FSTL4: variants seen among roughly 807,000 people sequenced by gnomAD.
The protein encoded by FSTL4 is follistatin like 4.
Under a neutral mutation model 78.2 loss-of-function variants are expected in FSTL4, and 28 were observed. The observed-to-expected ratio is 0.36, with a 90% CI of 0.27 to 0.49. The LOEUF is 0.49. Ranked by LOEUF, FSTL4 falls within the 20% of genes least tolerant of loss-of-function variation. FSTL4 has a pLI of 0.98. For synonymous variants in FSTL4, 422 were observed against 440.5 expected, an observed-to-expected ratio of 0.96 and a Z score of 0.53; for missense variants, 922 against 1,084.9, an observed-to-expected ratio of 0.85 and a Z score of 2.11.
chr5:133,329,965 G>A (rs1754304549), intron 4 of FSTL4, among the ~76,000 whole-genome samples: 1 of 152,200 alleles, frequency 6.6e-6, no homozygotes, highest in Non-Finnish European at 1.5e-5. Context: ...CACCTCTGCT[G>A]TCAATTGTAG....
chr5:133,363,729 C>G (rs920007845), intron 4 of FSTL4, among the ~76,000 whole-genome samples: 2 of 152,106 alleles, frequency 1.3e-5, no homozygotes, highest in Non-Finnish European at 2.9e-5. Context: ...GCTGGCAGGC[C>G]GTGGACCACA....
the FSTL4 span, among the ~76,000 whole-genome samples, chr5:133,707,484 T>G: frequency 6.6e-6 from 1 of 152,158 alleles, no homozygotes; most frequent in Non-Finnish European, 1.5e-5. Flanking sequence ...GGAAAACGAA[T>G]GATGCACATG....
the FSTL4 span, among the ~76,000 whole-genome samples, chr5:133,765,650 G>A: frequency 6.6e-6 from 1 of 152,190 alleles, no homozygotes; most frequent in Non-Finnish European, 1.5e-5. Flanking sequence ...CAGGAAGGGA[G>A]GAGAGGTGGG....
chr5:133,493,060 G>GT (rs1758301584), intron 3 of FSTL4, among the ~76,000 whole-genome samples: 1 of 151,838 alleles, frequency 6.6e-6, no homozygotes, highest in Non-Finnish European at 1.5e-5. Context: ...AAATTTGCTT[G>GT]TTTTTCCCCT....
In FSTL4 at chr5:133,220,838, G is replaced by T; in HGVS notation, c.1368C>A (p.Val456=). 6.2e-7 allele frequency: 1 copy of T among 1,611,916 alleles called. No individual in the cohort carries two copies. The highest frequency in any genetic ancestry group is 8.5e-7 in the Non-Finnish European group (1 of 1,177,966). ...TGACGATGATACCGTCGTCGGAGAA[G>T]ACATAGAACATGTTTCCCACGCTGA... is the stretch of plus-strand genomic sequence containing the variant. ...EGLSVGNMFY[V]FSDDGIIVIH... is the part of the protein sequence containing the mutation. The change falls in exon 12 of 16, where the codon GTC becomes GTA. Residue 456 remains valine (V), a synonymous_variant. Transcript: ENST00000265342.
intron 4 of FSTL4, among the ~76,000 whole-genome samples, chr5:133,370,917 G>A (rs1031796530): frequency 6.6e-6 from 1 of 152,216 alleles, no homozygotes; most frequent in African/African-American, 2.4e-5. Flanking sequence ...GGGGTGCTGA[G>A]TCAACCCAGG....
At chr5:133,485,488 T>C (rs1406845452) in intron 3 of FSTL4, among the ~76,000 whole-genome samples, 1 of 152,248 alleles carries the variant, frequency 6.6e-6, no homozygotes, top group Non-Finnish European at 1.5e-5. Flanking sequence ...TTTCAGTACA[T>C]GCAGCAACTC....
chr5:133,737,576 A>G, the FSTL4 span, among the ~76,000 whole-genome samples: 1 of 150,266 alleles, frequency 6.7e-6, no homozygotes, highest in African/African-American at 2.5e-5. Flanking sequence ...ATAGGAGTGC[A>G]CACATCTCTT....
intron 4 of FSTL4, among the ~76,000 whole-genome samples, chr5:133,331,141 G>T (rs577361587): frequency 1.3e-5 from 2 of 152,200 alleles, no homozygotes; most frequent in African/African-American, 2.4e-5. Flanking sequence ...AAGCAGCCCC[G>T]CATAGGTCCC....
intron 4 of FSTL4, among the ~76,000 whole-genome samples, chr5:133,341,054 G>A (rs1754569041): frequency 6.6e-6 from 1 of 152,076 alleles, no homozygotes; most frequent in Non-Finnish European, 1.5e-5. Context: ...CCACAGCAGG[G>A]GCCGCCAGCC....
chr5:133,328,323 G>A (rs1754264624), intron 4 of FSTL4, among the ~76,000 whole-genome samples: 1 of 152,120 alleles, frequency 6.6e-6, no homozygotes, highest in Admixed American at 6.5e-5. Context: ...TTAGATAAAT[G>A]GTACATTTGC....
the FSTL4 span, among the ~76,000 whole-genome samples, chr5:133,787,883 T>C: frequency 2.6e-5 from 4 of 152,270 alleles, no homozygotes; most frequent in Non-Finnish European, 5.9e-5. Flanking sequence ...CCTGCTGGCC[T>C]GCCCTTAGAC....
chr5:133,439,795 G>C (rs1049908507), intron 3 of FSTL4, among the ~76,000 whole-genome samples: 1 of 152,220 alleles, frequency 6.6e-6, no homozygotes, highest in African/African-American at 2.4e-5. Context: ...CACTGGGAAG[G>C]CTTTGCCGAA....
chr5:133,365,086 ATCAG>A (rs1330701301), intron 4 of FSTL4, among the ~76,000 whole-genome samples: 12 of 152,238 alleles, frequency 7.9e-5, no homozygotes, highest in African/African-American at 2.9e-4. Context: ...TTTTAATTAA[ATCAG>A]TCATTTTTCT....
chr5:133,201,410 G>C (rs952546186), intron 15 of FSTL4, among the ~76,000 whole-genome samples: 13 of 152,198 alleles, frequency 8.5e-5, no homozygotes, highest in African/African-American at 3.1e-4. Flanking sequence ...GATGCTCTGG[G>C]GGTTCCTAAA....
At chr5:133,629,746 A>G in the FSTL4 span, among the ~76,000 whole-genome samples, 1 of 152,218 alleles carries the variant, frequency 6.6e-6, no homozygotes, top group African/African-American at 2.4e-5. Flanking sequence ...AAAAATCCTC[A>G]ATAAAATACT....
At chr5:133,748,193 A>G in the FSTL4 span, among the ~76,000 whole-genome samples, 1 of 145,622 alleles carries the variant, frequency 6.9e-6, no homozygotes, top group African/African-American at 2.6e-5. Flanking sequence ...ACTCCGTCTC[A>G]AAAAAAGAAG....
At chr5:133,680,145 C>T in the FSTL4 span, among the ~76,000 whole-genome samples, 1 of 152,164 alleles carries the variant, frequency 6.6e-6, no homozygotes, top group Non-Finnish European at 1.5e-5. Context: ...CATTGCATTC[C>T]ACAGCATGGC....
intron 4 of FSTL4, among the ~76,000 whole-genome samples, chr5:133,375,984 T>C (rs1006724452): frequency 6.6e-6 from 1 of 152,220 alleles, no homozygotes; most frequent in African/African-American, 2.4e-5. Flanking sequence ...TGTAAAGATG[T>C]TGATTCTTCC....
Sources: allele counts gnomAD v4.1 joint callset (sites outside exome capture counted in the v4.1 genomes callset), GRCh38; gene constraint gnomAD v4.1.1; transcripts MANE v1.5; gene names NCBI Gene and HGNC (gene_info 2026-07-23, HGNC 2026-07-21).